Variants in RASEF observed in about 807,000 individuals in gnomAD.
RASEF encodes ras and EF-hand domain-containing protein.
A neutral mutation model predicts 90.1 loss-of-function variants in RASEF; 68 were observed. That is an observed-to-expected ratio of 0.75 (90% confidence interval 0.62 to 0.92). RASEF has a LOEUF of 0.92. RASEF is among the 40% of genes least tolerant of loss of function. The pLI is 0.00. For synonymous variants in RASEF, 331 were observed against 345.2 expected (o/e 0.96, Z 0.46); for missense variants, 949 against 937.2 (o/e 1.01, Z -0.16).
At chr9:82,997,410 A>C (rs1828942157) in intron 13 of RASEF, among the ~76,000 whole-genome samples, 1 of 152,208 alleles carries the variant, frequency 6.6e-6, no homozygotes, top group African/African-American at 2.4e-5. Context: ...GGTTGAGAGC[A>C]CAGTTTCCAA....
At position 83,063,048 on chromosome 9, in the gene RASEF, C is replaced by T. The variant is rs1194393550; in HGVS notation, c.-181G>A. On this transcript the variant is annotated 5_prime_UTR_variant, in exon 1 of 17. Transcript: ENST00000376447. ...AACGTCGGGGGTGGCCGAGCGGCTC[C>T]CTTCGACGACGGTTCGGGCCAGCCC... 20 of 625,982 alleles carry T rather than the reference C, an allele frequency of 3.2e-5. No homozygotes were observed. In the East Asian group the frequency reaches 3.5e-4, roughly 11 times the overall value. The allele number at this position is 625,982 out of a possible 1,614,324, so 38.8% of individuals were successfully genotyped here. A position where few individuals can be genotyped will look rare whatever the true frequency, so the allele number is the denominator to read the frequency against.
chr9:83,089,399 T>A, the RASEF span, among the ~76,000 whole-genome samples: 1 of 152,168 alleles, frequency 6.6e-6, no homozygotes, highest in East Asian at 1.9e-4. Flanking sequence ...TTTATGTTGA[T>A]TCACATTACT....
chr9:83,127,046 G>A, the RASEF span, among the ~76,000 whole-genome samples: 1 of 152,222 alleles, frequency 6.6e-6, no homozygotes, highest in East Asian at 1.9e-4. Context: ...AAATTGTAAA[G>A]AAAACCAACT....
chr9:83,084,171 A>G, the RASEF span, among the ~76,000 whole-genome samples: 2 of 152,202 alleles, frequency 1.3e-5, no homozygotes, highest in Non-Finnish European at 2.9e-5. Context: ...TAATAGTGCC[A>G]TATCTTTTTA....
the RASEF span, among the ~76,000 whole-genome samples, chr9:83,165,141 C>A: frequency 1.3e-5 from 2 of 152,042 alleles, no homozygotes; most frequent in South Asian, 2.1e-4. Context: ...ACAACACCAC[C>A]ATCAATTGAC....
the RASEF span, among the ~76,000 whole-genome samples, chr9:83,193,228 A>G: frequency 2.6e-5 from 4 of 151,186 alleles, no homozygotes; most frequent in Admixed American, 2.0e-4. Flanking sequence ...TACCTTAACC[A>G]TCACACTCCT....
the RASEF span, among the ~76,000 whole-genome samples, chr9:83,203,063 A>C: frequency 6.6e-6 from 1 of 152,200 alleles, no homozygotes; most frequent in Non-Finnish European, 1.5e-5. Flanking sequence ...TATTGTATAT[A>C]TGGAATCTAT....
chr9:83,085,025 C>A, the RASEF span, among the ~76,000 whole-genome samples: 1 of 152,114 alleles, frequency 6.6e-6, no homozygotes, highest in Non-Finnish European at 1.5e-5. Context: ...GAAAACTTAA[C>A]CACAAAGCGG....
At chr9:83,021,170 T>A (rs1829437212) in intron 3 of RASEF, among the ~76,000 whole-genome samples, 1 of 152,228 alleles carries the variant, frequency 6.6e-6, no homozygotes, top group African/African-American at 2.4e-5. Flanking sequence ...GCAGGCACCG[T>A]GCTAGGCACT....
chr9:83,048,221 G>A (rs906063444), intron 1 of RASEF: 2 of 985,246 alleles, frequency 2.0e-6, no homozygotes, highest in African/African-American at 1.7e-5. Flanking sequence ...ACAGGGACCG[G>A]CAGTCCTATT....
chr9:83,138,031 A>T, the RASEF span, among the ~76,000 whole-genome samples: 111 of 151,990 alleles, frequency 7.3e-4, no homozygotes, highest in African/African-American at 2.2e-3. Flanking sequence ...TCCTTTACAA[A>T]TACTAGATAC....
chr9:83,070,755 T>C, the RASEF span, among the ~76,000 whole-genome samples: 1 of 152,150 alleles, frequency 6.6e-6, no homozygotes, highest in Non-Finnish European at 1.5e-5. Flanking sequence ...AATCTGCCCA[T>C]CAATGAGATT....
the RASEF span, among the ~76,000 whole-genome samples, chr9:83,084,712 T>C: frequency 6.6e-6 from 1 of 152,192 alleles, no homozygotes; most frequent in Non-Finnish European, 1.5e-5. Flanking sequence ...TTAAACTCTT[T>C]TCCAGGAAGA....
intron 1 of RASEF, among the ~76,000 whole-genome samples, chr9:83,031,318 C>A (rs1325822806): frequency 6.6e-6 from 1 of 152,142 alleles, no homozygotes; most frequent in Non-Finnish European, 1.5e-5. Flanking sequence ...ACAATCACTA[C>A]CCACTCTTTT....
the RASEF span, among the ~76,000 whole-genome samples, chr9:83,118,863 C>T: frequency 8.5e-5 from 13 of 152,130 alleles, no homozygotes; most frequent in Admixed American, 8.5e-4. Flanking sequence ...GACATAAAAG[C>T]CACAGTGCTT....
chr9:83,016,935 T>C (rs761723009), intron 3 of RASEF, among the ~76,000 whole-genome samples: 10 of 152,168 alleles, frequency 6.6e-5, no homozygotes, highest in Non-Finnish European at 1.3e-4. Flanking sequence ...ATAAATTAAA[T>C]AATCCATGTG....
the RASEF span, among the ~76,000 whole-genome samples, chr9:83,090,037 T>C: frequency 2.0e-3 from 312 of 152,306 alleles, no homozygotes; most frequent in African/African-American, 7.0e-3. Flanking sequence ...TTCTTCATTC[T>C]TTTTTCTTTG....
At chr9:83,057,930 T>C (rs933928158) in intron 1 of RASEF, among the ~76,000 whole-genome samples, 1 of 149,676 alleles carries the variant, frequency 6.7e-6, no homozygotes, top group Non-Finnish European at 1.5e-5. Context: ...ATGTGGAAGA[T>C]ACTCAAGAGC....
rs879416543 is a variant in RASEF at position 83,055,152 on chromosome 9, C to T, written c.431+7285G>A. The stretch of plus-strand genomic sequence containing the variant: ...GGCGCCCCTCCCCCAGCCTCGTTGC[C>T]GCCTTGCAGTTTGATCTCAGACTGC... On this transcript the variant is annotated intron_variant, in intron 1 of 16. Transcript: ENST00000376447. 457 of 170,070 alleles carry T rather than the reference C, an allele frequency of 2.7e-3. 4 individuals carry two copies. The highest frequency in any genetic ancestry group is 4.2e-3 in the Non-Finnish European group (342 of 80,966). 10.5% of individuals were successfully genotyped at this position (170,070 alleles called of 1,614,324 possible). A position where few individuals can be genotyped will look rare whatever the true frequency, so the allele number is the denominator to read the frequency against.
Sources: allele counts gnomAD v4.1 joint callset (sites outside exome capture counted in the v4.1 genomes callset), GRCh38; gene constraint gnomAD v4.1.1; transcripts MANE v1.5; gene names NCBI Gene and HGNC (gene_info 2026-07-23, HGNC 2026-07-21).